DNAJC3: variants seen among roughly 807,000 people sequenced by gnomAD.
DNAJC3 encodes the protein DnaJ heat shock protein family (Hsp40) member C3.
In DNAJC3, 38 loss-of-function variants were observed where a neutral mutation model predicts 68.6. The ratio of observed to expected loss-of-function variants is 0.55; its 90% CI spans 0.43 to 0.73. The LOEUF (loss-of-function observed/expected upper bound fraction) is 0.73. Ranked by LOEUF, DNAJC3 falls within the 30% of genes least tolerant of loss-of-function variation. The pLI is 0.00. For missense variants in DNAJC3, 526 were observed against 591.9 expected, an observed-to-expected ratio of 0.89 and a Z score of 1.16; for synonymous variants, 203 against 204.0, an observed-to-expected ratio of 1.00 and a Z score of 0.04.
intron 4 of DNAJC3, among the ~76,000 whole-genome samples, chr13:95,746,356 G>A (rs1882306887): frequency 1.3e-5 from 2 of 152,170 alleles, no homozygotes; most frequent in South Asian, 4.1e-4. Context: ...ATTACACCAT[G>A]TGACCTTATT....
At chr13:95,729,217 T>TC (rs1881626884) in intron 4 of DNAJC3, among the ~76,000 whole-genome samples, 1 of 124,946 alleles carries the variant, frequency 8.0e-6, no homozygotes, top group Non-Finnish European at 1.7e-5. Context: ...CTCTCTCTTT[T>TC]CCCCCGCCCT....
intron 1 of DNAJC3, among the ~76,000 whole-genome samples, chr13:95,683,392 T>C (rs1879977739): frequency 6.6e-6 from 1 of 152,110 alleles, no homozygotes; most frequent in South Asian, 2.1e-4. Flanking sequence ...GGGGGTGGTT[T>C]CTAATGGTTT....
At chr13:95,770,449 T>C (rs1378291222) in intron 9 of DNAJC3, among the ~76,000 whole-genome samples, 1 of 152,226 alleles carries the variant, frequency 6.6e-6, no homozygotes, top group East Asian at 1.9e-4. Context: ...TTATTTTCTT[T>C]GTATTTTACT....
chr13:95,764,258 C>T (rs979485660), intron 9 of DNAJC3, among the ~76,000 whole-genome samples: 8 of 151,480 alleles, frequency 5.3e-5, no homozygotes, highest in South Asian at 4.2e-4. Flanking sequence ...TCATGTTATC[C>T]GGAAGTAATC....
chr13:95,713,194 A>T (rs1881028783), intron 2 of DNAJC3, among the ~76,000 whole-genome samples: 1 of 152,208 alleles, frequency 6.6e-6, no homozygotes. Context: ...GAACTAATAC[A>T]ATTGCCCAGC....
chr13:95,728,807 T>G (rs1338799995), intron 4 of DNAJC3, among the ~76,000 whole-genome samples: 1 of 152,210 alleles, frequency 6.6e-6, no homozygotes, highest in East Asian at 1.9e-4. Context: ...TTTCTGTGTG[T>G]TGGGAACATT....
chr13:95,787,641 G>A (rs1451013070), intron 11 of DNAJC3, among the ~76,000 whole-genome samples: 3 of 151,826 alleles, frequency 2.0e-5, no homozygotes, highest in Non-Finnish European at 2.9e-5. Flanking sequence ...CTGAATCATA[G>A]GATCATTAGA....
At chr13:95,773,658 C>T (rs1375149054) in intron 9 of DNAJC3, among the ~76,000 whole-genome samples, 1 of 146,656 alleles carries the variant, frequency 6.8e-6, no homozygotes, top group Non-Finnish European at 1.5e-5. Context: ...TGCTTTGTTT[C>T]TAATATTAAT....
At position 95,791,246 on chromosome 13, in the gene DNAJC3, AGCAGCCT is replaced by A. The variant is rs534549917; in HGVS notation, c.*220_*226del. The A allele has an allele frequency of 7.2e-4, 412 of 574,774 alleles. 6 individuals are homozygous for A. In the South Asian group the frequency reaches 8.2e-3, roughly 11 times the overall value. 35.6% of individuals were successfully genotyped at this position (574,774 alleles called of 1,614,324 possible). On this transcript the variant is annotated 3_prime_UTR_variant, in exon 12 of 12. Coordinates refer to ENST00000602402, the MANE Select transcript of DNAJC3 (RefSeq NM_006260.5). Reference sequence around the variant, plus strand: ...CAAGGAATGGTTCTATTTCTGACAGAGCAGCCTGCATCTGCTTTATGCTGTCTGGAGG... The same window carrying A: ...CAAGGAATGGTTCTATTTCTGACAGAGCATCTGCTTTATGCTGTCTGGAGG...
At chr13:95,772,904 A>G (rs1420478224) in intron 9 of DNAJC3, among the ~76,000 whole-genome samples, 2 of 152,124 alleles carry the variant, frequency 1.3e-5, no homozygotes, top group East Asian at 3.9e-4. Flanking sequence ...GTGTGCACCT[A>G]TGTTCATGAG....
At chr13:95,732,337 C>A (rs1371923487) in intron 4 of DNAJC3, among the ~76,000 whole-genome samples, 1 of 152,116 alleles carries the variant, frequency 6.6e-6, no homozygotes, top group African/African-American at 2.4e-5. Flanking sequence ...ACTTTAATTA[C>A]TGATTTAATC....
intron 9 of DNAJC3, among the ~76,000 whole-genome samples, chr13:95,768,982 A>AT (rs1410419354): frequency 8.3e-6 from 1 of 120,904 alleles, no homozygotes; most frequent in South Asian, 2.8e-4. Flanking sequence ...TCTCCAAAAA[A>AT]TTATCTATAT....
intron 4 of DNAJC3, among the ~76,000 whole-genome samples, chr13:95,752,662 G>A (rs17882766): frequency 4.6e-5 from 7 of 152,260 alleles, no homozygotes; most frequent in African/African-American, 7.2e-5. Context: ...AGCACTCTCT[G>A]TTATAATAAA....
At position 95,690,910 on chromosome 13, in the gene DNAJC3, G is replaced by C. The variant is rs867866355; in HGVS notation, c.82+13573G>C. On this transcript the variant is annotated intron_variant, in intron 1 of 11. Transcript: ENST00000602402. ...CTTCCCAGACGGGGCGGCTGGCCGG[G>C]CGGGGGGCTGACCCCCCCCACCTCC... is the stretch of plus-strand genomic sequence containing the variant. Among the ~76,000 whole-genome samples, 109 of 137,454 alleles carry C rather than the reference G, an allele frequency of 7.9e-4. 2 individuals are homozygous for C. The highest frequency in any genetic ancestry group is 1.4e-3 in the Admixed American group (20 of 14,012). 90.2% of individuals were successfully genotyped at this position (137,454 alleles called of 152,430 possible).
At chr13:95,763,994 A>G (rs749834412) in intron 9 of DNAJC3, 41 bp downstream of exon 9, 1 of 1,595,946 alleles carries the variant, frequency 6.3e-7, no homozygotes, top group South Asian at 1.1e-5. Flanking sequence ...CGAAGTGTTG[A>G]TTAGGAAATT....
At chr13:95,783,200 A>G (rs1883504220) in intron 9 of DNAJC3, among the ~76,000 whole-genome samples, 1 of 152,208 alleles carries the variant, frequency 6.6e-6, no homozygotes, top group Non-Finnish European at 1.5e-5. Flanking sequence ...ATCTGTGGGA[A>G]GTCTTACATC....
intron 1 of DNAJC3, chr13:95,693,746 C>T (rs975460531): frequency 7.3e-6 from 1 of 136,668 alleles, no homozygotes; most frequent in African/African-American, 2.9e-5. Context: ...TTCAACTTCT[C>T]CAATATACTG....
chr13:95,788,468 G>A (rs1163496619), intron 11 of DNAJC3, among the ~76,000 whole-genome samples: 4 of 152,322 alleles, frequency 2.6e-5, no homozygotes, highest in African/African-American at 9.6e-5. Context: ...CTTCTGTTCA[G>A]GATGAACTAT....
At chr13:95,737,368 A>G (rs947467127) in intron 4 of DNAJC3, among the ~76,000 whole-genome samples, 8 of 152,022 alleles carry the variant, frequency 5.3e-5, no homozygotes, top group Admixed American at 1.3e-4. Flanking sequence ...CTCTTTTTCT[A>G]TTGATTGGAA....
Sources: allele counts gnomAD v4.1 joint callset (sites outside exome capture counted in the v4.1 genomes callset), GRCh38; gene constraint gnomAD v4.1.1; transcripts MANE v1.5; gene names NCBI Gene and HGNC (gene_info 2026-07-23, HGNC 2026-07-21).